Variants in CBLB observed in about 807,000 individuals in gnomAD.
The protein encoded by CBLB is Cbl proto-oncogene B.
Under a neutral mutation model 104.9 loss-of-function variants are expected in CBLB, and 31 were observed. That is an observed-to-expected ratio of 0.30 (90% confidence interval 0.22 to 0.40). The LOEUF (loss-of-function observed/expected upper bound fraction) is 0.40. CBLB is among the 10% of genes least tolerant of loss of function. The pLI is 1.00. For missense variants in CBLB, 1,062 were observed against 1,214.6 expected (o/e 0.87, Z 1.87); for synonymous variants, 440 against 422.6 (o/e 1.04, Z -0.51).
chr3:105,748,509 G>C (rs947669581), intron 5 of CBLB, among the ~76,000 whole-genome samples: 1 of 152,134 alleles, frequency 6.6e-6, no homozygotes, highest in Non-Finnish European at 1.5e-5. Context: ...TAACAGTGGG[G>C]ATATAGAGGA....
chr3:105,808,322 C>T (rs1270139489), intron 3 of CBLB, among the ~76,000 whole-genome samples: 1 of 152,104 alleles, frequency 6.6e-6, no homozygotes, highest in African/African-American at 2.4e-5. Flanking sequence ...GATCTTTAAA[C>T]TATTCCTGTC....
At chr3:105,664,747 T>C (rs548265863) in intron 18 of CBLB, among the ~76,000 whole-genome samples, 17 of 152,298 alleles carry the variant, frequency 1.1e-4, no homozygotes, top group Admixed American at 9.2e-4. Flanking sequence ...AGGAAGTACA[T>C]AGTGAGTGGC....
chr3:105,810,728 A>G (rs1438464171), intron 3 of CBLB, among the ~76,000 whole-genome samples: 1 of 152,134 alleles, frequency 6.6e-6, no homozygotes, highest in Non-Finnish European at 1.5e-5. Context: ...AATTATTTGC[A>G]AGACAGAAAT....
At chr3:105,758,877 G>A (rs1195815507) in intron 4 of CBLB, among the ~76,000 whole-genome samples, 1 of 152,256 alleles carries the variant, frequency 6.6e-6, no homozygotes, top group Non-Finnish European at 1.5e-5. Context: ...GCCTAGCTCA[G>A]GGAGCCTGTA....
chr3:105,750,425 A>G (rs1420369269), intron 5 of CBLB, among the ~76,000 whole-genome samples: 1 of 152,218 alleles, frequency 6.6e-6, no homozygotes, highest in Non-Finnish European at 1.5e-5. Flanking sequence ...ATATTTGTTG[A>G]AAGCATGTTT....
chr3:105,694,377 A>G (rs1190066254), intron 12 of CBLB, among the ~76,000 whole-genome samples: 1 of 152,020 alleles, frequency 6.6e-6, no homozygotes, highest in Non-Finnish European at 1.5e-5. Context: ...TTGCAGAAAC[A>G]TATTCACAAG....
intron 2 of CBLB, among the ~76,000 whole-genome samples, chr3:105,859,732 G>C (rs551690911): frequency 6.6e-6 from 1 of 151,032 alleles, no homozygotes; most frequent in South Asian, 2.1e-4. Flanking sequence ...TCTTATTACA[G>C]TGACCTAAAG....
intron 3 of CBLB, among the ~76,000 whole-genome samples, chr3:105,795,642 A>G (rs2082172525): frequency 6.6e-6 from 1 of 152,206 alleles, no homozygotes; most frequent in South Asian, 2.1e-4. Flanking sequence ...TCAATGTGAA[A>G]TAGCCGAAGT....
At position 105,776,530 on chromosome 3, in the gene CBLB, T is replaced by A; in HGVS notation, c.432A>T (p.Thr144=). ...EEQSQDRRNL[T]KLSLIFSHML... is the part of the protein sequence containing the mutation. Reference sequence around the variant, plus strand: ...TGTGACTGAAGATAAGGGACAGTTTTGTGAGATTTCGTCTGTAGGCACAAG... The same window carrying A: ...TGTGACTGAAGATAAGGGACAGTTTAGTGAGATTTCGTCTGTAGGCACAAG... The change falls in exon 4 of 19, where the codon ACA becomes ACT. Residue 144 remains threonine (T), a synonymous_variant. Transcript: ENST00000394030. 1 of 1,613,870 alleles carries A rather than the reference T, an allele frequency of 6.2e-7. No homozygotes were observed. The highest frequency in any genetic ancestry group is 8.5e-7 in the Non-Finnish European group (1 of 1,179,900).
intron 4 of CBLB, among the ~76,000 whole-genome samples, chr3:105,765,501 A>G (rs1401407977): frequency 6.6e-6 from 1 of 152,164 alleles, no homozygotes; most frequent in Non-Finnish European, 1.5e-5. Flanking sequence ...TATGAGAAAT[A>G]AATTTCTGTT....
At chr3:105,722,491 A>G (rs574720613) in intron 9 of CBLB, among the ~76,000 whole-genome samples, 54 of 152,286 alleles carry the variant, frequency 3.5e-4, no homozygotes, top group Admixed American at 1.3e-3. Context: ...GTTTTGAAGT[A>G]CCTCCTACAC....
intron 3 of CBLB, among the ~76,000 whole-genome samples, chr3:105,830,618 CTAATAT>C (rs1328301248): frequency 6.6e-6 from 1 of 152,020 alleles, no homozygotes; most frequent in South Asian, 2.1e-4. Context: ...AATTTACAGT[CTAATAT>C]TAAGTTGTAA....
intron 2 of CBLB, among the ~76,000 whole-genome samples, chr3:105,861,714 C>CAT (rs750780116): frequency 2.9e-4 from 43 of 149,248 alleles, no homozygotes; most frequent in East Asian, 2.5e-3. Flanking sequence ...CACATACATA[C>CAT]ACACACACAC....
chr3:105,851,979 C>A (rs1379842196), intron 3 of CBLB, among the ~76,000 whole-genome samples: 5 of 152,086 alleles, frequency 3.3e-5, no homozygotes, highest in Non-Finnish European at 7.4e-5. Flanking sequence ...TGCCACCAGT[C>A]ACATAAAAGC....
chr3:105,760,900 A>G lies in CBLB; in HGVS notation c.567-9282T>C, dbSNP rs535549917. Among the ~76,000 whole-genome samples, 7 of 152,378 alleles carry G rather than the reference A, an allele frequency of 4.6e-5. No homozygotes were observed. In the South Asian group the frequency reaches 1.4e-3, roughly 32 times the overall value. ...AACAAAACAAAAACAAATCTATACA[A>G]GAAAAACAACTACTGCATTTCCTAT... On this transcript the variant is annotated intron_variant, in intron 4 of 18. Coordinates refer to ENST00000394030, the MANE Select transcript of CBLB (RefSeq NM_170662.5).
chr3:105,840,118 G>A (rs531292505), intron 3 of CBLB, among the ~76,000 whole-genome samples: 6 of 152,142 alleles, frequency 3.9e-5, no homozygotes, highest in South Asian at 2.1e-4. Flanking sequence ...AGAACAAAAC[G>A]CGAAGGGTTT....
At chr3:105,751,766 G>C (rs2076612771) in intron 4 of CBLB, 148 bp from the exon 5 acceptor site, 1 of 722,300 alleles carries the variant, frequency 1.4e-6, no homozygotes, top group South Asian at 1.6e-5. Context: ...TCATATTTCA[G>C]AACAAATGTA....
intron 3 of CBLB, among the ~76,000 whole-genome samples, chr3:105,791,090 AAAAGATC>A (rs2081582243): frequency 6.6e-6 from 1 of 152,240 alleles, no homozygotes. Context: ...ACCCAAATTT[AAAAGATC>A]TGTTGAAGAT....
At chr3:105,697,943 A>T (rs1009717220) in intron 12 of CBLB, among the ~76,000 whole-genome samples, 1 of 151,992 alleles carries the variant, frequency 6.6e-6, no homozygotes, top group African/African-American at 2.4e-5. Flanking sequence ...TTGCTCAGAT[A>T]ATTAAAACAA....
Sources: gnomAD v4.1 joint callset for allele counts (sites outside exome capture counted in the v4.1 genomes callset) on GRCh38, gnomAD v4.1.1 for gene constraint, MANE v1.5 for transcripts, NCBI Gene and HGNC (gene_info 2026-07-23, HGNC 2026-07-21) for gene names.